The following GNG14 variants were observed in gnomAD, a reference collection of about 807,000 sequenced individuals.
GNG14 encodes guanine nucleotide-binding protein G(I)/G(S)/G(O) subunit gamma-14.
For synonymous variants in GNG14, 44 were observed against 22.5 expected (o/e 1.96, Z -2.71); for missense variants, 103 against 53.6 (o/e 1.92, Z -2.87).
chr19:12,688,130 G>A lies in GNG14; in HGVS notation c.82G>A (p.Asp28Asn), dbSNP rs556632267. 2.3e-4 allele frequency: 163 copies of A among 702,406 alleles called. 2 individuals carry two copies. The Middle Eastern group carries it at 6.2e-3, about 27-fold the overall frequency. The allele number at this position is 702,406 out of a possible 1,614,324, so 43.5% of individuals were successfully genotyped here. A position where few individuals can be genotyped will look rare whatever the true frequency, so the allele number is the denominator to read the frequency against. Reference sequence around the variant, plus strand: ...GCAGCTCCAGATGGAGGCAGGCATCGACCAAGTGAAGGTGAGGGTCGGGGC... The same window carrying A: ...GCAGCTCCAGATGGAGGCAGGCATCAACCAAGTGAAGGTGAGGGTCGGGGC... ...VEQLQMEAGI[D>N]QVKVRVGASA... Residue 28 changes from aspartate to asparagine, a missense_variant, in exon 1 of 1, where the codon GAC (aspartate) becomes AAC (asparagine). Physicochemically the swap from Asp to Asn is conservative, Grantham distance 23. Coordinates refer to ENST00000640151, the MANE Select transcript of GNG14 (RefSeq NM_001316692.2).
Position 12,688,100 on chromosome 19 carries a change from G to A in GNG14, c.52G>A (p.Val18Met), listed in dbSNP as rs1310833853. The change falls in exon 1 of 1, where the codon GTG (valine) becomes ATG (methionine). Residue 18 changes from valine to methionine, a missense_variant. Val to Met is a conservative substitution (Grantham distance 21). Transcript: ENST00000640151. ...TGACATTGGGCAGGCCCTCTGGGCA[G>A]TGGAGCAGCTCCAGATGGAGGCAGG... Reference protein sequence around the residue: ...NSDIGQALWAVEQLQMEAGID... With the variant: ...NSDIGQALWAMEQLQMEAGID... The A allele has an allele frequency of 7.1e-6, 5 of 700,942 alleles. No homozygotes were observed. The East Asian group carries it at 8.1e-5, about 11-fold the overall frequency. 43.4% of individuals were successfully genotyped at this position (700,942 alleles called of 1,614,324 possible).
Position 12,688,108 on chromosome 19 carries a change from G to C in GNG14, c.60G>C (p.Gln20His), listed in dbSNP as rs951948641. The part of the protein sequence containing the change: ...DIGQALWAVE[Q>H]LQMEAGIDQV... Reference sequence around the variant, plus strand: ...GGCAGGCCCTCTGGGCAGTGGAGCAGCTCCAGATGGAGGCAGGCATCGACC... The same window carrying C: ...GGCAGGCCCTCTGGGCAGTGGAGCACCTCCAGATGGAGGCAGGCATCGACC... The change falls in exon 1 of 1, where the codon CAG (glutamine) becomes CAC (histidine). Residue 20 changes from glutamine (Q) to histidine (H), a missense_variant. By Grantham distance (24) the Gln-to-His change is conservative. Coordinates refer to ENST00000640151, the MANE Select transcript of GNG14 (RefSeq NM_001316692.2). 31 of 701,766 alleles carry C rather than the reference G, an allele frequency of 4.4e-5. No individual in the cohort carries two copies. The highest frequency in any genetic ancestry group is 6.0e-5 in the Non-Finnish European group (23 of 384,426). 43.5% of individuals were successfully genotyped at this position (701,766 alleles called of 1,614,324 possible).
chr19:12,688,133 CAAGTG>C lies in GNG14; in HGVS notation c.89_93del (p.Val30GlyfsTer54), dbSNP rs1568323852. On this transcript the variant is annotated frameshift_variant, in exon 1 of 1. Transcript: ENST00000640151. LOFTEE classifies it low-confidence loss of function (END_TRUNC). ...GCTCCAGATGGAGGCAGGCATCGAC[CAAGTG>C]AAGGTGAGGGTCGGGGCCAGTGCAG... 1 of 702,444 alleles carries C rather than the reference CAAGTG, an allele frequency of 1.4e-6. No homozygotes were observed. Among genetic ancestry groups the C allele is most frequent in the Admixed American group, 2.0e-5 (1 of 50,008 alleles). The allele number at this position is 702,444 out of a possible 1,614,324, so 43.5% of individuals were successfully genotyped here.
rs1178132978 is a variant in GNG14, at chr19:12,688,283, A to G, written c.235A>G (p.Thr79Ala). ...KMAADLLKFC[T>A]EQAKNDPFLV... ...GGCCGCCGATCTGCTGAAGTTCTGC[A>G]CGGAGCAGGCCAAGAATGACCCCTT... is the stretch of plus-strand genomic sequence containing the variant. The change falls in exon 1 of 1, where the codon ACG becomes GCG. Residue 79 changes from threonine to alanine, a missense_variant. Transcript: ENST00000640151. 1.4e-6 allele frequency: 1 copy of G among 702,608 alleles called. No homozygotes were observed. The highest frequency in any genetic ancestry group is 2.6e-6 in the Non-Finnish European group (1 of 384,990). The allele number at this position is 702,608 out of a possible 1,614,324, so 43.5% of individuals were successfully genotyped here. A position where few individuals can be genotyped will look rare whatever the true frequency, so the allele number is the denominator to read the frequency against.
chr19:12,688,005 ACTGAGGT>A lies in GNG14; in HGVS notation c.-43_-37del. On this transcript the variant is annotated 5_prime_UTR_variant, in exon 1 of 1. In the 5' UTR this introduces an upstream ATG that the reference lacks. Transcript: ENST00000640151. ...GGCAGCCCTAGGCTCCCCCTAGGGGACTGAGGTTGGGCCTGCTGCCCACGGCCTGCCC... is the reference window on the plus strand; with the variant it reads ...GGCAGCCCTAGGCTCCCCCTAGGGGATGGGCCTGCTGCCCACGGCCTGCCC... The A allele has an allele frequency of 1.6e-6, 1 of 641,736 alleles. No individual in the cohort carries two copies. 39.8% of individuals were successfully genotyped at this position (641,736 alleles called of 1,614,324 possible).
Position 12,688,264 on chromosome 19 carries a change from C to T in GNG14, c.216C>T (p.Ala72=), listed in dbSNP as rs1486053898. Residue 72 remains alanine, a synonymous_variant, in exon 1 of 1, where the codon GCC becomes GCT. Coordinates refer to ENST00000640151, the MANE Select transcript of GNG14 (RefSeq NM_001316692.2). ...TCTGCAGGTGTCCAAAGATGGCCGC[C>T]GATCTGCTGAAGTTCTGCACGGAGC... ...QLVCRCPKMA[A]DLLKFCTEQA... is the part of the protein sequence containing the mutation. 3 of 702,404 alleles carry T rather than the reference C, an allele frequency of 4.3e-6. No homozygotes were observed. The highest frequency in any genetic ancestry group is 7.8e-6 in the Non-Finnish European group (3 of 384,996). The allele number at this position is 702,404 out of a possible 1,614,324, so 43.5% of individuals were successfully genotyped here. A position where few individuals can be genotyped will look rare whatever the true frequency, so the allele number is the denominator to read the frequency against.
At position 12,688,197 on chromosome 19, in the gene GNG14, G is replaced by C. The variant is rs1160343475; in HGVS notation, c.149G>C (p.Gly50Ala). Residue 50 changes from glycine (G) to alanine (A), a missense_variant, in exon 1 of 1, where the codon GGG becomes GCG. Transcript: ENST00000640151. ...AAGAGGTGGGAACACATGGGCCAGG[G>C]GACAGGTGCATGCCTGGGTCTGGTC... The part of the protein sequence containing the change: ...GGKRWEHMGQ[G>A]TGACLGLVWL... 7 of 702,560 alleles carry C rather than the reference G, an allele frequency of 1.0e-5. No homozygotes were observed. The East Asian group carries it at 1.3e-4, about 13-fold the overall frequency. The allele number at this position is 702,560 out of a possible 1,614,324, so 43.5% of individuals were successfully genotyped here. A position where few individuals can be genotyped will look rare whatever the true frequency, so the allele number is the denominator to read the frequency against.
In GNG14 at chr19:12,688,132, C is replaced by G. The variant is rs778118860; in HGVS notation, c.84C>G (p.Asp28Glu). Residue 28 changes from aspartate to glutamate, a missense_variant, in exon 1 of 1, where the codon GAC (aspartate) becomes GAG (glutamate). Coordinates refer to ENST00000640151, the MANE Select transcript of GNG14 (RefSeq NM_001316692.2). Reference sequence around the variant, plus strand: ...AGCTCCAGATGGAGGCAGGCATCGACCAAGTGAAGGTGAGGGTCGGGGCCA... The same window carrying G: ...AGCTCCAGATGGAGGCAGGCATCGAGCAAGTGAAGGTGAGGGTCGGGGCCA... Reference protein sequence around the residue: ...VEQLQMEAGIDQVKVRVGASA... With the variant: ...VEQLQMEAGIEQVKVRVGASA... The G allele has an allele frequency of 4.3e-6, 3 of 702,306 alleles. No individual in the cohort carries two copies. In the African/African-American group the frequency reaches 5.2e-5, roughly 12 times the overall value. The allele number at this position is 702,306 out of a possible 1,614,324, so 43.5% of individuals were successfully genotyped here.
In GNG14 at chr19:12,688,188, T is replaced by A. The variant is rs77099081; in HGVS notation, c.140T>A (p.Met47Lys). ...GGAGGCGGGAAGAGGTGGGAACACA[T>A]GGGCCAGGGGACAGGTGCATGCCTG... ...SAGGGKRWEH[M>K]GQGTGACLGL... Residue 47 changes from methionine to lysine, a missense_variant, in exon 1 of 1, where the codon ATG becomes AAG. Physicochemically the swap from Met to Lys is moderately conservative, Grantham distance 95. Coordinates refer to ENST00000640151, the MANE Select transcript of GNG14 (RefSeq NM_001316692.2). 1,968 of 702,648 alleles carry A rather than the reference T, an allele frequency of 2.8e-3. 8 individuals carry two copies. Among genetic ancestry groups the A allele is most frequent in the Middle Eastern group, 5.9e-3 (26 of 4,370 alleles). 43.5% of individuals were successfully genotyped at this position (702,648 alleles called of 1,614,324 possible).
At position 12,688,324 on chromosome 19, in the gene GNG14, G is replaced by C. The variant is rs1279682021; in HGVS notation, c.276G>C (p.Pro92=). Reference sequence around the variant, plus strand: ...ATGACCCCTTCCTTGTGGGCATCCCGGCCGCCACCAACTCCTTCAAGGAGA... The same window carrying C: ...ATGACCCCTTCCTTGTGGGCATCCCCGCCGCCACCAACTCCTTCAAGGAGA... ...AKNDPFLVGI[P]AATNSFKEKK... Residue 92 remains proline, a synonymous_variant, in exon 1 of 1, where the codon CCG becomes CCC. Coordinates refer to ENST00000640151, the MANE Select transcript of GNG14 (RefSeq NM_001316692.2). 1.4e-6 allele frequency: 1 copy of C among 702,422 alleles called. No homozygotes were observed. Among genetic ancestry groups the C allele is most frequent in the Non-Finnish European group, 2.6e-6 (1 of 384,988 alleles). The allele number at this position is 702,422 out of a possible 1,614,324, so 43.5% of individuals were successfully genotyped here. A position where few individuals can be genotyped will look rare whatever the true frequency, so the allele number is the denominator to read the frequency against.
chr19:12,688,177 G>T lies in GNG14; in HGVS notation c.129G>T (p.Arg43Ser). ...RVGASAGGGK[R>S]WEHMGQGTGA... ...GGGCCAGTGCAGGAGGCGGGAAGAG[G>T]TGGGAACACATGGGCCAGGGGACAG... Residue 43 changes from arginine (R) to serine (S), a missense_variant, in exon 1 of 1, where the codon AGG becomes AGT. Arg to Ser is a moderately radical substitution (Grantham distance 110). Coordinates refer to ENST00000640151, the MANE Select transcript of GNG14 (RefSeq NM_001316692.2). 1 of 702,718 alleles carries T rather than the reference G, an allele frequency of 1.4e-6. No individual in the cohort carries two copies. The highest frequency in any genetic ancestry group is 2.0e-5 in the Admixed American group (1 of 50,022). The allele number at this position is 702,718 out of a possible 1,614,324, so 43.5% of individuals were successfully genotyped here.
rs1249510480 is a variant in GNG14, at chr19:12,688,011, G to T, written c.-38G>T. On this transcript the variant is annotated 5_prime_UTR_variant, in exon 1 of 1. Coordinates refer to ENST00000640151, the MANE Select transcript of GNG14 (RefSeq NM_001316692.2). ...CCTAGGCTCCCCCTAGGGGACTGAG[G>T]TTGGGCCTGCTGCCCACGGCCTGCC... The T allele has an allele frequency of 1.5e-6, 1 of 648,606 alleles. No individual in the cohort carries two copies. Among genetic ancestry groups the T allele is most frequent in the East Asian group, 2.7e-5 (1 of 36,830 alleles). The allele number at this position is 648,606 out of a possible 1,614,324, so 40.2% of individuals were successfully genotyped here. A position where few individuals can be genotyped will look rare whatever the true frequency, so the allele number is the denominator to read the frequency against.
rs1365847414 is a variant in GNG14, at chr19:12,688,001, G to A, written c.-48G>A. ...CTCGGGCAGCCCTAGGCTCCCCCTA[G>A]GGGACTGAGGTTGGGCCTGCTGCCC... On this transcript the variant is annotated 5_prime_UTR_variant, in exon 1 of 1. Transcript: ENST00000640151. The A allele has an allele frequency of 1.6e-6, 1 of 638,772 alleles. No individual in the cohort carries two copies. The highest frequency in any genetic ancestry group is 1.7e-5 in the South Asian group (1 of 57,384). 39.6% of individuals were successfully genotyped at this position (638,772 alleles called of 1,614,324 possible).
Position 12,688,355 on chromosome 19 carries a change from C to T in GNG14, c.307C>T (p.Pro103Ser), listed in dbSNP as rs1205865231. ...AATNSFKEKK[P>S]YAIL is the part of the protein sequence containing the mutation. Reference sequence around the variant, plus strand: ...CACCAACTCCTTCAAGGAGAAGAAGCCCTATGCCATCCTATGAACCCAGGG... The same window carrying T: ...CACCAACTCCTTCAAGGAGAAGAAGTCCTATGCCATCCTATGAACCCAGGG... The change falls in exon 1 of 1, where the codon CCC becomes TCC. Residue 103 changes from proline to serine, a missense_variant. Transcript: ENST00000640151. 13 of 702,436 alleles carry T rather than the reference C, an allele frequency of 1.9e-5. No individual in the cohort carries two copies. Among genetic ancestry groups the T allele is most frequent in the Admixed American group, 6.0e-5 (3 of 49,992 alleles). 43.5% of individuals were successfully genotyped at this position (702,436 alleles called of 1,614,324 possible). A position where few individuals can be genotyped will look rare whatever the true frequency, so the allele number is the denominator to read the frequency against.
rs1157695694 is a variant in GNG14, at chr19:12,688,300, T to G, written c.252T>G (p.Asn84Lys). Reference protein sequence around the residue: ...LLKFCTEQAKNDPFLVGIPAA... With the variant: ...LLKFCTEQAKKDPFLVGIPAA... ...AGTTCTGCACGGAGCAGGCCAAGAATGACCCCTTCCTTGTGGGCATCCCGG... is the reference window on the plus strand; with the variant it reads ...AGTTCTGCACGGAGCAGGCCAAGAAGGACCCCTTCCTTGTGGGCATCCCGG... Residue 84 changes from asparagine (N) to lysine (K), a missense_variant, in exon 1 of 1, where the codon AAT becomes AAG. Physicochemically the swap from Asn to Lys is moderately conservative, Grantham distance 94. Transcript: ENST00000640151. 2.8e-6 allele frequency: 2 copies of G among 702,570 alleles called. No individual in the cohort carries two copies. The highest frequency in any genetic ancestry group is 4.0e-5 in the Admixed American group (2 of 50,006). 43.5% of individuals were successfully genotyped at this position (702,570 alleles called of 1,614,324 possible). A position where few individuals can be genotyped will look rare whatever the true frequency, so the allele number is the denominator to read the frequency against.
chr19:12,688,392 T>C lies in GNG14; in HGVS notation c.*20T>C. ...CTATGAACCCAGGGCAATGCCACCC[T>C]GTGGCCTGGGCAAACCAGGGGGCCT... On this transcript the variant is annotated 3_prime_UTR_variant, in exon 1 of 1. Transcript: ENST00000640151. The C allele has an allele frequency of 1.4e-6, 1 of 700,982 alleles. No individual in the cohort carries two copies. Among genetic ancestry groups the C allele is most frequent in the Non-Finnish European group, 2.6e-6 (1 of 383,730 alleles). 43.4% of individuals were successfully genotyped at this position (700,982 alleles called of 1,614,324 possible). A position where few individuals can be genotyped will look rare whatever the true frequency, so the allele number is the denominator to read the frequency against.
In GNG14 at chr19:12,688,354, GCCCTATGCCAT is replaced by G; in HGVS notation, c.309_319del (p.Tyr104MetfsTer?). Reference sequence around the variant, plus strand: ...CCACCAACTCCTTCAAGGAGAAGAAGCCCTATGCCATCCTATGAACCCAGGGCAATGCCACC... The same window carrying G: ...CCACCAACTCCTTCAAGGAGAAGAAGCCTATGAACCCAGGGCAATGCCACC... On this transcript the variant is annotated frameshift_variant, in exon 1 of 1. Transcript: ENST00000640151. LOFTEE classifies it high-confidence loss of function. The G allele has an allele frequency of 1.4e-6, 1 of 702,562 alleles. No homozygotes were observed. Among genetic ancestry groups the G allele is most frequent in the Non-Finnish European group, 2.6e-6 (1 of 384,970 alleles). 43.5% of individuals were successfully genotyped at this position (702,562 alleles called of 1,614,324 possible). A position where few individuals can be genotyped will look rare whatever the true frequency, so the allele number is the denominator to read the frequency against.
Position 12,688,191 on chromosome 19 carries a change from G to A in GNG14, c.143G>A (p.Gly48Asp), listed in dbSNP as rs1055011794. 9 of 702,588 alleles carry A rather than the reference G, an allele frequency of 1.3e-5. No individual in the cohort carries two copies. Among genetic ancestry groups the A allele is most frequent in the Non-Finnish European group, 1.8e-5 (7 of 385,022 alleles). 43.5% of individuals were successfully genotyped at this position (702,588 alleles called of 1,614,324 possible). The change falls in exon 1 of 1, where the codon GGC becomes GAC. Residue 48 changes from glycine (G) to aspartate (D), a missense_variant. By Grantham distance (94) the Gly-to-Asp change is moderately conservative (BLOSUM62 -1). Coordinates refer to ENST00000640151, the MANE Select transcript of GNG14 (RefSeq NM_001316692.2). Reference sequence around the variant, plus strand: ...GGCGGGAAGAGGTGGGAACACATGGGCCAGGGGACAGGTGCATGCCTGGGT... The same window carrying A: ...GGCGGGAAGAGGTGGGAACACATGGACCAGGGGACAGGTGCATGCCTGGGT... Reference protein sequence around the residue: ...AGGGKRWEHMGQGTGACLGLV... With the variant: ...AGGGKRWEHMDQGTGACLGLV...
Position 12,688,329 on chromosome 19 carries a change from C to G in GNG14, c.281C>G (p.Ala94Gly). ...CCCTTCCTTGTGGGCATCCCGGCCG[C>G]CACCAACTCCTTCAAGGAGAAGAAG... ...NDPFLVGIPA[A>G]TNSFKEKKPY... Residue 94 changes from alanine (A) to glycine (G), a missense_variant, in exon 1 of 1, where the codon GCC becomes GGC. Transcript: ENST00000640151. 2.8e-6 allele frequency: 2 copies of G among 702,576 alleles called. No individual in the cohort carries two copies. The highest frequency in any genetic ancestry group is 5.4e-5 in the East Asian group (2 of 37,282). 43.5% of individuals were successfully genotyped at this position (702,576 alleles called of 1,614,324 possible). A position where few individuals can be genotyped will look rare whatever the true frequency, so the allele number is the denominator to read the frequency against.
Sources: gnomAD v4.1 joint callset for allele counts on GRCh38, gnomAD v4.1.1 for gene constraint, MANE v1.5 for transcripts, NCBI Gene and HGNC (gene_info 2026-07-23, HGNC 2026-07-21) for gene names.